Variants in PICALM observed in about 807,000 individuals in gnomAD.
PICALM encodes the protein phosphatidylinositol binding clathrin assembly protein.
A neutral mutation model predicts 80.5 loss-of-function variants in PICALM; 40 were observed. That is an observed-to-expected ratio of 0.50 (90% confidence interval 0.39 to 0.65). The LOEUF is 0.65. Ranked by LOEUF, PICALM falls within the 30% of genes least tolerant of loss-of-function variation. The pLI, the probability that PICALM is intolerant of heterozygous loss-of-function variation, is 0.00. For synonymous variants in PICALM, 288 were observed against 260.3 expected (o/e 1.11, Z -1.02); for missense variants, 676 against 778.9 (o/e 0.87, Z 1.57).
chr11:86,024,233 G>C (rs1031429885), intron 3 of PICALM, among the ~76,000 whole-genome samples: 4 of 151,424 alleles, frequency 2.6e-5, no homozygotes, highest in Non-Finnish European at 5.9e-5. Flanking sequence ...CCTTAAGTTA[G>C]AGCGCCGTAA....
At chr11:85,973,263 G>A (rs2094167471) in intron 19 of PICALM, among the ~76,000 whole-genome samples, 1 of 152,176 alleles carries the variant, frequency 6.6e-6, no homozygotes, top group Admixed American at 6.5e-5. Context: ...TTTATTAAGA[G>A]ACGCATTATT....
chr11:85,973,713 T>C (rs1165290129), intron 19 of PICALM, among the ~76,000 whole-genome samples: 1 of 152,164 alleles, frequency 6.6e-6, no homozygotes, highest in East Asian at 1.9e-4. Flanking sequence ...ATATTGGCAA[T>C]GTAAGACTAT....
chr11:86,000,658 G>C lies in PICALM; in HGVS notation c.1139C>G (p.Pro380Arg). The C allele has an allele frequency of 6.2e-7, 1 of 1,611,960 alleles. No homozygotes were observed. The highest frequency in any genetic ancestry group is 2.2e-5 in the East Asian group (1 of 44,868). Residue 380 changes from proline (P) to arginine (R), a missense_variant, in exon 11 of 20, where the codon CCT becomes CGT. Coordinates refer to ENST00000393346, the MANE Select transcript of PICALM (RefSeq NM_007166.4). ...TAPAIDIFSTPSSSNSTSKLP... is the reference protein window; with the variant it reads ...TAPAIDIFSTRSSSNSTSKLP... ...CTACTCCTACCTGTTAGAAGAACTA[G>C]GGGTAGAAAATATGTCAATGGCTGG... is the stretch of plus-strand genomic sequence containing the variant.
Position 85,961,731 on chromosome 11 carries a change from T to A in PICALM, c.1945-2671A>T, listed in dbSNP as rs1233478146. Among the ~76,000 whole-genome samples the A allele has an allele frequency of 1.3e-5, 2 of 152,212 alleles. 1 individual carries two copies. The highest frequency in any genetic ancestry group is 4.8e-5 in the African/African-American group (2 of 41,448). On this transcript the variant is annotated intron_variant, in intron 19 of 19. Coordinates refer to ENST00000393346, the MANE Select transcript of PICALM (RefSeq NM_007166.4). Reference sequence around the variant, plus strand: ...AGGACTATTACAAAATGAGCTTTTCTTTTAGGGATGTCCTAGTGAGTAATA... The same window carrying A: ...AGGACTATTACAAAATGAGCTTTTCATTTAGGGATGTCCTAGTGAGTAATA...
intron 9 of PICALM, 95 bp from the exon 10 acceptor site, chr11:86,001,253 G>T: frequency 1.8e-6 from 2 of 1,122,860 alleles, no homozygotes; most frequent in African/African-American, 1.6e-5. Context: ...CCATGGATAG[G>T]CACTATAATT....
chr11:85,975,592 CTTTTTTT>C (rs11407535), intron 18 of PICALM, among the ~76,000 whole-genome samples: 2 of 89,638 alleles, frequency 2.2e-5, no homozygotes, highest in South Asian at 3.9e-4. Context: ...TCTCAGCAGA[CTTTTTTT>C]TTTTTTTTTT....
intron 19 of PICALM, among the ~76,000 whole-genome samples, chr11:85,966,534 G>A (rs2093905556): frequency 6.6e-6 from 1 of 152,158 alleles, no homozygotes; most frequent in African/African-American, 2.4e-5. Flanking sequence ...TTACAGGTAA[G>A]GAAACTAAGG....
At chr11:86,028,355 T>A (rs1385243405) in intron 2 of PICALM, among the ~76,000 whole-genome samples, 1 of 152,210 alleles carries the variant, frequency 6.6e-6, no homozygotes, top group Non-Finnish European at 1.5e-5. Flanking sequence ...ACATAAGCAT[T>A]TGTTATGCCA....
chr11:86,043,836 T>C (rs553406358), intron 1 of PICALM, among the ~76,000 whole-genome samples: 66 of 152,314 alleles, frequency 4.3e-4, no homozygotes, highest in African/African-American at 1.5e-3. Flanking sequence ...TCTCTTCTCT[T>C]AAAAATTTTT....
intron 14 of PICALM, 68 bp downstream of exon 14, chr11:85,983,798 T>C: frequency 3.0e-6 from 2 of 665,884 alleles, no homozygotes; most frequent in Non-Finnish European, 5.1e-6. Context: ...AAAAGCAGCA[T>C]TATTTTTCCT....
Position 86,068,849 on chromosome 11 carries a change from G to A in PICALM, c.-69C>T. ...GGACTGGGACCCCCAAGAGCCGGAG[G>A]GTCCCCACCCCCCACCGCACCCCCT... On this transcript the variant is annotated 5_prime_UTR_variant, in exon 1 of 20. Transcript: ENST00000393346. 7 of 1,502,528 alleles carry A rather than the reference G, an allele frequency of 4.7e-6. No homozygotes were observed. Among genetic ancestry groups the A allele is most frequent in the Non-Finnish European group, 6.2e-6 (7 of 1,128,602 alleles). 93.1% of individuals were successfully genotyped at this position (1,502,528 alleles called of 1,614,324 possible).
At chr11:86,006,508 G>A (rs564294401) in intron 8 of PICALM, among the ~76,000 whole-genome samples, 11 of 152,124 alleles carry the variant, frequency 7.2e-5, no homozygotes, top group African/African-American at 1.7e-4. Context: ...TTAGCTGGGC[G>A]TGGTGGCTTA....
At chr11:85,969,507 A>G (rs568785660) in intron 19 of PICALM, 1 of 200,764 alleles carries the variant, frequency 5.0e-6, no homozygotes, top group South Asian at 6.4e-5. Flanking sequence ...TTTTTAATCC[A>G]ATTGAAAAAA....
At chr11:86,015,667 G>A (rs1295876899) in intron 4 of PICALM, among the ~76,000 whole-genome samples, 1 of 152,014 alleles carries the variant, frequency 6.6e-6, no homozygotes, top group Non-Finnish European at 1.5e-5. Context: ...AAGGTACTGG[G>A]GCTAACGTAC....
At chr11:86,050,695 T>C (rs2096171279) in intron 1 of PICALM, among the ~76,000 whole-genome samples, 2 of 152,198 alleles carry the variant, frequency 1.3e-5, no homozygotes, top group African/African-American at 4.8e-5. Flanking sequence ...GTCACTGTGG[T>C]AGAACATAAA....
At chr11:86,062,449 C>G (rs1428347345) in intron 1 of PICALM, among the ~76,000 whole-genome samples, 1 of 150,896 alleles carries the variant, frequency 6.6e-6, no homozygotes, top group Non-Finnish European at 1.5e-5. Context: ...ACCCAGGAGG[C>G]AAAGGTTGCA....
At chr11:86,065,113 G>C (rs1355286512) in intron 1 of PICALM, among the ~76,000 whole-genome samples, 2 of 151,880 alleles carry the variant, frequency 1.3e-5, no homozygotes, top group Admixed American at 1.3e-4. Flanking sequence ...AAGATTGTAA[G>C]ATCAGATAAA....
chr11:85,976,151 A>C (rs186495457), intron 18 of PICALM, among the ~76,000 whole-genome samples: 1 of 152,292 alleles, frequency 6.6e-6, no homozygotes, highest in Non-Finnish European at 1.5e-5. Flanking sequence ...GGCAATCTAA[A>C]ATGCACATTG....
chr11:86,014,179 C>T (rs2095443459), intron 5 of PICALM, among the ~76,000 whole-genome samples: 2 of 152,158 alleles, frequency 1.3e-5, no homozygotes, highest in African/African-American at 4.8e-5. Context: ...AGCTTAAAAA[C>T]TAGCAATTAA....
Sources: gnomAD v4.1 joint callset for allele counts (sites outside exome capture counted in the v4.1 genomes callset) on GRCh38, gnomAD v4.1.1 for gene constraint, MANE v1.5 for transcripts, NCBI Gene and HGNC (gene_info 2026-07-23, HGNC 2026-07-21) for gene names.